CACNA2D3: variants seen among roughly 807,000 people sequenced by gnomAD.
CACNA2D3 encodes calcium voltage-gated channel auxiliary subunit alpha2delta 3.
In CACNA2D3, 60 loss-of-function variants were observed where a neutral mutation model predicts 160.6. That is an observed-to-expected ratio of 0.37 (90% CI 0.30 to 0.46). The LOEUF (loss-of-function observed/expected upper bound fraction) is 0.46, where lower values mean the gene tolerates loss of function less well. Among genes scored for constraint, CACNA2D3 ranks in the 20% least tolerant of loss-of-function variants. The pLI is 1.00. For missense variants in CACNA2D3, 1,205 were observed against 1,365.0 expected, an observed-to-expected ratio of 0.88 and a Z score of 1.85; for synonymous variants, 558 against 492.9, an observed-to-expected ratio of 1.13 and a Z score of -1.75.
At chr3:54,182,227 C>CA (rs1389491825) in intron 2 of CACNA2D3, among the ~76,000 whole-genome samples, 2 of 152,158 alleles carry the variant, frequency 1.3e-5, no homozygotes, top group African/African-American at 4.8e-5. Context: ...CATCAGCATT[C>CA]AGTAATCCTG....
chr3:54,477,302 C>T (rs1273091038), intron 4 of CACNA2D3, among the ~76,000 whole-genome samples: 11 of 151,644 alleles, frequency 7.3e-5, no homozygotes, highest in African/African-American at 2.7e-4. Flanking sequence ...TGGCCAAGGT[C>T]GTTGCGGGAA....
intron 11 of CACNA2D3, among the ~76,000 whole-genome samples, chr3:54,706,964 C>G (rs1280305385): frequency 6.6e-6 from 1 of 152,232 alleles, no homozygotes; most frequent in African/African-American, 2.4e-5. Context: ...TTTTATGAAG[C>G]AGCCAACCAT....
At chr3:54,465,482 A>G (rs927589019) in intron 4 of CACNA2D3, among the ~76,000 whole-genome samples, 4 of 152,218 alleles carry the variant, frequency 2.6e-5, no homozygotes, top group Non-Finnish European at 5.9e-5. Context: ...AACATAGTGT[A>G]TACAGGGTTC....
At chr3:54,757,203 T>C (rs773518527) in intron 12 of CACNA2D3, among the ~76,000 whole-genome samples, 1 of 152,112 alleles carries the variant, frequency 6.6e-6, no homozygotes, top group African/African-American at 2.4e-5. Context: ...ATGGAGTGTT[T>C]TCCAGCTGTG....
At chr3:54,420,877 T>A (rs1383677284) in intron 4 of CACNA2D3, among the ~76,000 whole-genome samples, 1 of 152,214 alleles carries the variant, frequency 6.6e-6, no homozygotes, top group Non-Finnish European at 1.5e-5. Context: ...TGTTGATGAA[T>A]ATTTGCCACA....
At chr3:54,306,800 G>C (rs1056080714) in intron 2 of CACNA2D3, among the ~76,000 whole-genome samples, 13 of 152,202 alleles carry the variant, frequency 8.5e-5, no homozygotes, top group Non-Finnish European at 1.8e-4. Flanking sequence ...GGAGATGCCA[G>C]GCTATGTTAC....
chr3:55,006,390 C>T (rs984923428), intron 32 of CACNA2D3, among the ~76,000 whole-genome samples: 7 of 152,134 alleles, frequency 4.6e-5, no homozygotes, highest in Non-Finnish European at 1.0e-4. Context: ...TTTATTCACT[C>T]TCTCCTTCCC....
intron 24 of CACNA2D3, among the ~76,000 whole-genome samples, chr3:54,889,728 G>A (rs1479745612): frequency 6.6e-6 from 1 of 152,148 alleles, no homozygotes; most frequent in Non-Finnish European, 1.5e-5. Flanking sequence ...TCATTATTAG[G>A]GGTGTCTTTG....
chr3:54,973,611 G>A (rs755594077), intron 29 of CACNA2D3, among the ~76,000 whole-genome samples: 1 of 152,108 alleles, frequency 6.6e-6, no homozygotes, highest in Non-Finnish European at 1.5e-5. Flanking sequence ...AACGAGAAGG[G>A]CTGCCTCCAG....
chr3:54,759,123 T>G (rs1434844992), intron 12 of CACNA2D3, among the ~76,000 whole-genome samples: 1 of 152,200 alleles, frequency 6.6e-6, no homozygotes, highest in Non-Finnish European at 1.5e-5. Context: ...CAGAAGGAGC[T>G]CTGCAAGGGA....
intron 6 of CACNA2D3, among the ~76,000 whole-genome samples, chr3:54,564,079 G>A (rs1341114728): frequency 6.6e-6 from 1 of 152,208 alleles, no homozygotes; most frequent in Non-Finnish European, 1.5e-5. Context: ...TCAACAGAGA[G>A]CAAATCTGGT....
intron 2 of CACNA2D3, among the ~76,000 whole-genome samples, chr3:54,289,196 A>G (rs1299176597): frequency 6.6e-6 from 1 of 152,214 alleles, no homozygotes; most frequent in East Asian, 1.9e-4. Context: ...GCTGATAAGC[A>G]ACTTCAGCAA....
At chr3:54,506,598 G>C (rs893997919) in intron 5 of CACNA2D3, among the ~76,000 whole-genome samples, 1 of 152,184 alleles carries the variant, frequency 6.6e-6, no homozygotes, top group Admixed American at 6.5e-5. Flanking sequence ...AGAGACTGCA[G>C]CTTCAAAGTT....
At chr3:54,472,635 C>T (rs567553938) in intron 4 of CACNA2D3, among the ~76,000 whole-genome samples, 2 of 152,272 alleles carry the variant, frequency 1.3e-5, no homozygotes, top group South Asian at 4.2e-4. Context: ...ATTTAGAAAA[C>T]CCCATCATCT....
At chr3:54,448,671 C>T (rs564851469) in intron 4 of CACNA2D3, among the ~76,000 whole-genome samples, 1 of 152,202 alleles carries the variant, frequency 6.6e-6, no homozygotes, top group African/African-American at 2.4e-5. Context: ...TTGTCTCCAC[C>T]TCTGTGGGCA....
chr3:54,739,944 G>A (rs999549774), intron 11 of CACNA2D3, among the ~76,000 whole-genome samples: 1 of 152,110 alleles, frequency 6.6e-6, no homozygotes, highest in African/African-American at 2.4e-5. Context: ...CGCAAGGGCA[G>A]AGACCATATG....
chr3:54,454,218 T>C (rs1035883344), intron 4 of CACNA2D3, among the ~76,000 whole-genome samples: 2 of 152,214 alleles, frequency 1.3e-5, no homozygotes, highest in Non-Finnish European at 2.9e-5. Context: ...GACTCAACTT[T>C]AGTAAAGTAT....
intron 27 of CACNA2D3, 32 bp downstream of exon 27, chr3:54,899,900 G>C: frequency 6.8e-7 from 1 of 1,480,386 alleles, no homozygotes; most frequent in Admixed American, 1.9e-5. Context: ...TGAAGACAAA[G>C]TAAGCATGGC....
chr3:54,204,998 A>G (rs555775808), intron 2 of CACNA2D3, among the ~76,000 whole-genome samples: 2 of 152,282 alleles, frequency 1.3e-5, no homozygotes, highest in South Asian at 4.1e-4. Flanking sequence ...TTGCCATTAT[A>G]AAAAATCCAG....
Sources: allele counts gnomAD v4.1 joint callset (sites outside exome capture counted in the v4.1 genomes callset), GRCh38; gene constraint gnomAD v4.1.1; transcripts MANE v1.5; gene names NCBI Gene and HGNC (gene_info 2026-07-23, HGNC 2026-07-21).